Variants in KIF27 observed in about 807,000 individuals in gnomAD.
The protein encoded by KIF27 is kinesin family member 27.
A neutral mutation model predicts 141.8 loss-of-function variants in KIF27; 84 were observed. The ratio of observed to expected loss-of-function variants is 0.59; its 90% CI spans 0.50 to 0.71. The LOEUF (loss-of-function observed/expected upper bound fraction) is 0.71. KIF27 is among the 30% of genes least tolerant of loss of function. The pLI is 0.00. For missense variants in KIF27, 1,306 were observed against 1,628.4 expected, an observed-to-expected ratio of 0.80 and a Z score of 3.41; for synonymous variants, 471 against 569.5, an observed-to-expected ratio of 0.83 and a Z score of 2.46.
At chr9:83,904,804 G>A (rs2184086) in intron 3 of KIF27, among the ~76,000 whole-genome samples, 20,280 of 151,402 alleles carry the variant, frequency 0.13, 1,441 homozygotes, top group African/African-American at 0.14. Flanking sequence ...GCCATCCTTA[G>A]CTTTTATGTT....
intron 16 of KIF27, chr9:83,848,563 TATAG>T (rs1399050723): frequency 6.8e-6 from 1 of 146,374 alleles, no homozygotes; most frequent in Non-Finnish European, 1.5e-5. Flanking sequence ...TATATCTATA[TATAG>T]ATCTATATAT....
In KIF27 at chr9:83,857,893, T is replaced by C. The variant is rs116574298; in HGVS notation, c.3150+1263A>G. On this transcript the variant is annotated intron_variant, in intron 14 of 17. Transcript: ENST00000297814. The stretch of plus-strand genomic sequence containing the variant: ...TTGATTTTCAATGTCCTTCAGAGTT[T>C]AGAGTTTTCTTATATTTCTATCTGT... Among the ~76,000 whole-genome samples, 915 of 152,148 alleles carry C rather than the reference T, an allele frequency of 6.0e-3. 11 individuals are homozygous for C. The highest frequency in any genetic ancestry group is 0.021 in the African/African-American group (868 of 41,484).
chr9:83,836,906 C>T lies in KIF27; in HGVS notation c.*95G>A, dbSNP rs1469862781. The T allele has an allele frequency of 1.3e-6, 2 of 1,534,872 alleles. No individual in the cohort carries two copies. The highest frequency in any genetic ancestry group is 2.7e-5 in the African/African-American group (2 of 72,778). ...TCCTTCCTCCCCTTCTTCCTTTATTCTGAGGAAAGAGGTAGTGAACTTGAG... is the reference window on the plus strand; with the variant it reads ...TCCTTCCTCCCCTTCTTCCTTTATTTTGAGGAAAGAGGTAGTGAACTTGAG... On this transcript the variant is annotated 3_prime_UTR_variant, in exon 18 of 18. Coordinates refer to ENST00000297814, the MANE Select transcript of KIF27 (RefSeq NM_017576.4).
intron 16 of KIF27, among the ~76,000 whole-genome samples, chr9:83,848,419 T>C (rs1232248175): frequency 2.2e-5 from 3 of 135,706 alleles, no homozygotes; most frequent in Non-Finnish European, 3.1e-5. Flanking sequence ...ATGATATATA[T>C]GTATATATCT....
chr9:83,848,438 T>TATGCTATATGTATATATCTATATATC lies in KIF27; in HGVS notation c.3556+1660_3556+1661insGATATATAGATATATACATATAGCAT, dbSNP rs1948091762. Among the ~76,000 whole-genome samples the TATGCTATATGTATATATCTATATATC allele has an allele frequency of 1.5e-4, 16 of 106,608 alleles. 1 individual carries two copies. In the South Asian group the frequency reaches 3.9e-3, roughly 26 times the overall value. The allele number at this position is 106,608 out of a possible 152,430, so 69.9% of individuals were successfully genotyped here. A position where few individuals can be genotyped will look rare whatever the true frequency, so the allele number is the denominator to read the frequency against. On this transcript the variant is annotated intron_variant, in intron 16 of 17. Transcript: ENST00000297814. Reference sequence around the variant, plus strand: ...TATATATGTATATATCTATATATCATATATGCTATATGTATATATCTATAT... The same window carrying TATGCTATATGTATATATCTATATATC: ...TATATATGTATATATCTATATATCATATGCTATATGTATATATCTATATATCATATGCTATATGTATATATCTATAT...
chr9:83,891,335 C>T lies in KIF27; in HGVS notation c.1769G>A (p.Gly590Glu). The T allele has an allele frequency of 6.2e-7, 1 of 1,613,152 alleles. No homozygotes were observed. The highest frequency in any genetic ancestry group is 8.5e-7 in the Non-Finnish European group (1 of 1,179,408). Residue 590 changes from glycine (G) to glutamate (E), a missense_variant, in exon 6 of 18, where the codon GGG (glycine) becomes GAG (glutamate). This residue lies in a region of KIF27 where 596 missense variants were observed against 751.6 expected (regional missense o/e 0.79). Coordinates refer to ENST00000297814, the MANE Select transcript of KIF27 (RefSeq NM_017576.4). ...TCTTGATGGGATATAAATATAATGCCCCAAATGAGTATCAAATGGTACAGT... is the reference window on the plus strand; with the variant it reads ...TCTTGATGGGATATAAATATAATGCTCCAAATGAGTATCAAATGGTACAGT... ...PYTVPFDTHL[G>E]HYIYIPSRQD...
In KIF27 at chr9:83,915,670, T is replaced by A. The variant is rs1955612080; in HGVS notation, c.-79A>T. On this transcript the variant is annotated 5_prime_UTR_variant, in exon 2 of 18. Transcript: ENST00000297814. ...TGAGAGACTTCCATCTTATGTAAGATCTGGATTCCTGTGCAACAAAAATAA... is the reference window on the plus strand; with the variant it reads ...TGAGAGACTTCCATCTTATGTAAGAACTGGATTCCTGTGCAACAAAAATAA... 1.5e-6 allele frequency: 2 copies of A among 1,340,978 alleles called. No homozygotes were observed. The highest frequency in any genetic ancestry group is 4.9e-5 in the Admixed American group (2 of 40,880). 83.1% of individuals were successfully genotyped at this position (1,340,978 alleles called of 1,614,324 possible). A position where few individuals can be genotyped will look rare whatever the true frequency, so the allele number is the denominator to read the frequency against.
At chr9:83,878,544 T>C (rs1268006266) in intron 11 of KIF27, among the ~76,000 whole-genome samples, 1 of 151,712 alleles carries the variant, frequency 6.6e-6, no homozygotes, top group Non-Finnish European at 1.5e-5. Context: ...CTGTGGCATA[T>C]CCATACAATG....
At chr9:83,841,896 C>CT (rs1946615554) in intron 17 of KIF27, among the ~76,000 whole-genome samples, 2 of 152,066 alleles carry the variant, frequency 1.3e-5, no homozygotes. Flanking sequence ...TACCATACAT[C>CT]TTTTTTTGTG....
At chr9:83,916,865 G>A (rs1285735446) in intron 1 of KIF27, among the ~76,000 whole-genome samples, 3 of 152,106 alleles carry the variant, frequency 2.0e-5, no homozygotes, top group Admixed American at 6.5e-5. Context: ...GGGTTTCACC[G>A]TGTTAGCCAG....
At chr9:83,895,481 T>A (rs1190630256) in intron 5 of KIF27, among the ~76,000 whole-genome samples, 1 of 152,168 alleles carries the variant, frequency 6.6e-6, no homozygotes, top group African/African-American at 2.4e-5. Flanking sequence ...TTTTCCTCTA[T>A]GATTGGAAAC....
At chr9:83,871,374 A>C (rs1950779215) in intron 11 of KIF27, among the ~76,000 whole-genome samples, 1 of 152,220 alleles carries the variant, frequency 6.6e-6, no homozygotes, top group Admixed American at 6.5e-5. Context: ...AACTGCAAAA[A>C]TTAGGATTTA....
At chr9:83,914,907 T>A (rs1955539392) in intron 2 of KIF27, among the ~76,000 whole-genome samples, 3 of 152,216 alleles carry the variant, frequency 2.0e-5, no homozygotes, top group South Asian at 4.1e-4. Context: ...ATACTTTACA[T>A]AATAAATTTT....
intron 1 of KIF27, among the ~76,000 whole-genome samples, chr9:83,916,526 C>T (rs1158064143): frequency 6.6e-6 from 1 of 152,104 alleles, no homozygotes; most frequent in Non-Finnish European, 1.5e-5. Context: ...GCTTTTTCTA[C>T]TTCTAAATAT....
intron 5 of KIF27, among the ~76,000 whole-genome samples, chr9:83,892,749 C>T (rs1363589041): frequency 6.6e-6 from 1 of 152,012 alleles, no homozygotes; most frequent in Admixed American, 6.6e-5. Context: ...CAAAAGAAAG[C>T]TGGTGTAGCT....
chr9:83,848,070 G>GATATATATGATATATCATATATATCAT (rs10622451), intron 16 of KIF27, among the ~76,000 whole-genome samples: 1 of 43,216 alleles, frequency 2.3e-5, no homozygotes, highest in African/African-American at 1.7e-4. Flanking sequence ...TCATATATAT[G>GATATATATGATATATCATATATATCAT]ATATATGATA....
chr9:83,906,671 A>G (rs1954573575), intron 3 of KIF27, among the ~76,000 whole-genome samples: 1 of 142,004 alleles, frequency 7.0e-6, no homozygotes, highest in Non-Finnish European at 1.5e-5. Context: ...TGAGCTCATG[A>G]GGTTTAGGCT....
chr9:83,877,739 AT>A (rs1564356675), intron 11 of KIF27, among the ~76,000 whole-genome samples: 1 of 152,208 alleles, frequency 6.6e-6, no homozygotes, highest in Non-Finnish European at 1.5e-5. Context: ...ATAGGAAAAA[AT>A]ATTTGGAAAT....
chr9:83,883,301 A>G (rs189010425), intron 10 of KIF27, among the ~76,000 whole-genome samples: 22 of 152,330 alleles, frequency 1.4e-4, no homozygotes, highest in African/African-American at 5.3e-4. Flanking sequence ...ATGTGATGGA[A>G]TATTTCTCAT....
Sources: gnomAD v4.1 joint callset for allele counts (sites outside exome capture counted in the v4.1 genomes callset) on GRCh38, gnomAD v4.1.1 for gene constraint, gnomAD v4.1.1 regional missense constraint, MANE v1.5 for transcripts, NCBI Gene and HGNC (gene_info 2026-07-23, HGNC 2026-07-21) for gene names.